CSMD2: variants seen among roughly 807,000 people sequenced by gnomAD.
CSMD2 encodes the protein CUB and Sushi multiple domains 2.
CSMD2 carries 130 observed loss-of-function variants against 398.5 expected under a neutral mutation model. The ratio of observed to expected loss-of-function variants is 0.33; its 90% CI spans 0.28 to 0.38. CSMD2 has a LOEUF of 0.38. Ranked by LOEUF, CSMD2 falls within the 10% of genes least tolerant of loss-of-function variation. The pLI is 1.00. For synonymous variants in CSMD2, 1,828 were observed against 1,908.5 expected, an observed-to-expected ratio of 0.96 and a Z score of 1.10; for missense variants, 3,829 against 4,764.9, an observed-to-expected ratio of 0.80 and a Z score of 5.78.
At position 33,732,080 on chromosome 1, in the gene CSMD2, A is replaced by G. The variant is rs193125133; in HGVS notation, c.2369-5395T>C. 3.6e-3 allele frequency among the ~76,000 whole-genome samples: 554 copies of G among 152,238 alleles called. 4 individuals carry two copies. The highest frequency in any genetic ancestry group is 5.2e-3 in the Non-Finnish European group (357 of 68,008). ...GAAATTTTTCATTTAAACAAGGTGA[A>G]GGCAAAAACAGGGAAGCACACACAT... is the stretch of plus-strand genomic sequence containing the variant. On this transcript the variant is annotated intron_variant, in intron 15 of 70. Transcript: ENST00000373381.
intron 6 of CSMD2, among the ~76,000 whole-genome samples, chr1:33,829,387 G>A (rs1967732): frequency 0.79 from 119,595 of 152,186 alleles, 47,838 homozygotes; most frequent in East Asian, 0.94. Context: ...CTCTTCAAAT[G>A]ACTTTCCTTT....
intron 10 of CSMD2, among the ~76,000 whole-genome samples, chr1:33,805,206 A>G (rs1395219835): frequency 2.6e-5 from 4 of 152,218 alleles, no homozygotes; most frequent in African/African-American, 9.6e-5. Context: ...TTCAGGTTCA[A>G]AAGAAAATGG....
intron 53 of CSMD2, among the ~76,000 whole-genome samples, chr1:33,563,271 T>A (rs1395534873): frequency 6.6e-6 from 1 of 152,024 alleles, no homozygotes; most frequent in East Asian, 1.9e-4. Flanking sequence ...AAAGGGAAGG[T>A]CCATGGTAAC....
chr1:33,540,650 C>T lies in CSMD2; in HGVS notation c.9506G>A (p.Gly3169Glu), dbSNP rs1458513245. The change falls in exon 60 of 71, where the codon GGG becomes GAG. Residue 3169 changes from glycine to glutamate, a missense_variant. Gly to Glu is a moderately conservative substitution (Grantham distance 98). Coordinates refer to ENST00000373381, the MANE Select transcript of CSMD2 (RefSeq NM_001281956.2). ...PPLIPNGKVVGSDFMWGSSVT... is the reference protein window; with the variant it reads ...PPLIPNGKVVESDFMWGSSVT... Reference sequence around the variant, plus strand: ...ACTTGAGCCCCACATGAAGTCAGACCCCACCACCTTCCCATTGGGGATGAG... The same window carrying T: ...ACTTGAGCCCCACATGAAGTCAGACTCCACCACCTTCCCATTGGGGATGAG... The T allele has an allele frequency of 3.1e-6, 5 of 1,614,058 alleles. No individual in the cohort carries two copies. The highest frequency in any genetic ancestry group is 1.7e-5 in the Admixed American group (1 of 60,008).
intron 4 of CSMD2, among the ~76,000 whole-genome samples, chr1:33,923,173 T>TGG (rs1644008694): frequency 6.6e-6 from 1 of 152,192 alleles, no homozygotes; most frequent in African/African-American, 2.4e-5. Flanking sequence ...ATAGTTTGAA[T>TGG]GTCCCTCCCA....
intron 25 of CSMD2, among the ~76,000 whole-genome samples, chr1:33,680,637 C>T (rs1203517655): frequency 1.3e-5 from 2 of 152,166 alleles, no homozygotes; most frequent in Non-Finnish European, 2.9e-5. Flanking sequence ...CCTGCCCATC[C>T]TGAGCTCCTG....
intron 2 of CSMD2, among the ~76,000 whole-genome samples, chr1:34,042,808 GAA>G (rs1419361809): frequency 1.3e-5 from 2 of 152,050 alleles, no homozygotes; most frequent in Non-Finnish European, 2.9e-5. Context: ...TATTTTTTGA[GAA>G]GGAGTCTCGC....
intron 2 of CSMD2, among the ~76,000 whole-genome samples, chr1:34,053,873 G>A (rs373764169): frequency 6.6e-6 from 1 of 152,160 alleles, no homozygotes; most frequent in African/African-American, 2.4e-5. Context: ...ATTGATTACT[G>A]GCTCAACAAC....
At chr1:34,162,429 T>C (rs1293943379) in intron 1 of CSMD2, among the ~76,000 whole-genome samples, 5 of 152,150 alleles carry the variant, frequency 3.3e-5, no homozygotes, top group Non-Finnish European at 7.3e-5. Context: ...TTCAACAGTG[T>C]GAACTGAACA....
chr1:33,935,712 C>T (rs771416797), intron 4 of CSMD2, 48 bp downstream of exon 4: 4 of 1,530,866 alleles, frequency 2.6e-6, no homozygotes, highest in East Asian at 2.3e-5. Context: ...TCCAGCATCA[C>T]CTCCCAGCCA....
At chr1:33,804,087 G>C (rs911650228) in intron 10 of CSMD2, among the ~76,000 whole-genome samples, 7 of 152,096 alleles carry the variant, frequency 4.6e-5, no homozygotes, top group Non-Finnish European at 2.9e-5. Context: ...TACCAAATAG[G>C]TATATTAAAA....
At chr1:33,601,616 C>CA (rs1357357972) in intron 43 of CSMD2, among the ~76,000 whole-genome samples, 1 of 152,110 alleles carries the variant, frequency 6.6e-6, no homozygotes, top group Non-Finnish European at 1.5e-5. Context: ...CAGTAACCAC[C>CA]AAACAAAGGA....
At chr1:33,927,015 A>G (rs1349112532) in intron 4 of CSMD2, among the ~76,000 whole-genome samples, 1 of 152,152 alleles carries the variant, frequency 6.6e-6, no homozygotes, top group Admixed American at 6.5e-5. Flanking sequence ...GCTTCTGTTC[A>G]TATCATCTTC....
At chr1:33,679,297 G>A (rs1449805717) in intron 25 of CSMD2, among the ~76,000 whole-genome samples, 2 of 149,720 alleles carry the variant, frequency 1.3e-5, no homozygotes, top group African/African-American at 2.5e-5. Flanking sequence ...CGCCCCCTGG[G>A]TTCAAGCGAT....
At chr1:33,830,827 G>A (rs2125033624) in intron 6 of CSMD2, among the ~76,000 whole-genome samples, 1 of 152,334 alleles carries the variant, frequency 6.6e-6, no homozygotes, top group East Asian at 1.9e-4. Context: ...GGAGCTGATG[G>A]AGCTGAAAGC....
chr1:33,713,036 T>C (rs557602), intron 21 of CSMD2, among the ~76,000 whole-genome samples: 1 of 152,120 alleles, frequency 6.6e-6, no homozygotes, highest in East Asian at 1.9e-4. Flanking sequence ...AAAATGCTGA[T>C]AATTATATGC....
rs930009887 is a variant in CSMD2 at position 33,627,499 on chromosome 1, C to T, written c.5201-918G>A. On this transcript the variant is annotated intron_variant, in intron 32 of 70. Coordinates refer to ENST00000373381, the MANE Select transcript of CSMD2 (RefSeq NM_001281956.2). ...CTGACCCCAGACCCCATTCTCAGGA[C>T]GAAGCAGGGATTACAGAGAACCAGG... Among the ~76,000 whole-genome samples the T allele has an allele frequency of 1.6e-4, 24 of 152,218 alleles. 1 individual carries two copies. The highest frequency in any genetic ancestry group is 4.8e-4 in the African/African-American group (20 of 41,550).
chr1:33,746,893 A>T (rs1034675760), intron 13 of CSMD2, among the ~76,000 whole-genome samples: 1 of 152,250 alleles, frequency 6.6e-6, no homozygotes, highest in Admixed American at 6.5e-5. Context: ...ACAAATATTA[A>T]TAGATGGATA....
intron 5 of CSMD2, among the ~76,000 whole-genome samples, chr1:33,893,913 A>C (rs771144992): frequency 2.0e-5 from 3 of 152,164 alleles, no homozygotes; most frequent in African/African-American, 4.8e-5. Flanking sequence ...CTGATACTGG[A>C]CTTTGAGGCA....
Sources: gnomAD v4.1 joint callset for allele counts (sites outside exome capture counted in the v4.1 genomes callset) on GRCh38, gnomAD v4.1.1 for gene constraint, MANE v1.5 for transcripts, NCBI Gene and HGNC (gene_info 2026-07-23, HGNC 2026-07-21) for gene names.